KCND2: variants seen among roughly 807,000 people sequenced by gnomAD.
KCND2 encodes potassium voltage-gated channel subfamily D member 2, also known as A-type voltage-gated potassium channel KCND2.
Under a neutral mutation model 54.4 loss-of-function variants are expected in KCND2, and 16 were observed. That is an observed-to-expected ratio of 0.29 (90% CI 0.20 to 0.45). KCND2 has a LOEUF of 0.45. Among genes scored for constraint, KCND2 ranks in the 20% least tolerant of loss-of-function variants. The probability of loss-of-function intolerance (pLI) is 1.00; values close to 1 mark genes in which losing one functional copy is unlikely to be tolerated. For missense variants in KCND2, 486 were observed against 824.2 expected, an observed-to-expected ratio of 0.59 and a Z score of 5.02; for synonymous variants, 317 against 310.7, an observed-to-expected ratio of 1.02 and a Z score of -0.21.
intron 1 of KCND2, among the ~76,000 whole-genome samples, chr7:120,304,450 C>T (rs1217412638): frequency 6.6e-6 from 1 of 152,134 alleles, no homozygotes; most frequent in Admixed American, 6.6e-5. Context: ...ACACAATCCT[C>T]AATGTGTGGC....
chr7:120,698,761 A>T (rs1792363142), intron 1 of KCND2, among the ~76,000 whole-genome samples: 1 of 152,224 alleles, frequency 6.6e-6, no homozygotes, highest in East Asian at 1.9e-4. Context: ...CACAAAAGGA[A>T]TTTGGCAATA....
At chr7:120,674,924 G>T (rs1427828560) in intron 1 of KCND2, among the ~76,000 whole-genome samples, 2 of 151,824 alleles carry the variant, frequency 1.3e-5, no homozygotes, top group African/African-American at 2.4e-5. Context: ...CCCTAAGCGT[G>T]CATCACTTTA....
chr7:120,567,652 A>G (rs931452029), intron 1 of KCND2, among the ~76,000 whole-genome samples: 3 of 152,304 alleles, frequency 2.0e-5, no homozygotes, highest in Admixed American at 1.3e-4. Flanking sequence ...TTATCCTCCC[A>G]GTATAAAACA....
chr7:120,561,215 G>A (rs1178841335), intron 1 of KCND2, among the ~76,000 whole-genome samples: 1 of 152,084 alleles, frequency 6.6e-6, no homozygotes, highest in African/African-American at 2.4e-5. Flanking sequence ...TCTGCATTCA[G>A]CACTGCAAAT....
At chr7:120,538,020 C>T (rs1289576552) in intron 1 of KCND2, among the ~76,000 whole-genome samples, 1 of 152,154 alleles carries the variant, frequency 6.6e-6, no homozygotes, top group African/African-American at 2.4e-5. Flanking sequence ...GGCAAGAGGC[C>T]TAGGTTTTGG....
At chr7:120,659,433 G>A (rs1437136192) in intron 1 of KCND2, among the ~76,000 whole-genome samples, 1 of 152,054 alleles carries the variant, frequency 6.6e-6, no homozygotes, top group Middle Eastern at 3.2e-3. Flanking sequence ...AACAAACACG[G>A]CAATATCAAA....
chr7:120,382,011 T>C (rs766627557), intron 1 of KCND2, among the ~76,000 whole-genome samples: 11 of 150,926 alleles, frequency 7.3e-5, no homozygotes, highest in Non-Finnish European at 1.5e-4. Context: ...ATTTACTTTA[T>C]AGTTCTATCC....
chr7:120,391,678 C>CT (rs372958105), intron 1 of KCND2, among the ~76,000 whole-genome samples: 1 of 151,764 alleles, frequency 6.6e-6, no homozygotes, highest in Non-Finnish European at 1.5e-5. Flanking sequence ...TGATGATGAG[C>CT]TTTTTTTTCA....
At chr7:120,662,052 G>A (rs770597729) in intron 1 of KCND2, among the ~76,000 whole-genome samples, 2 of 151,844 alleles carry the variant, frequency 1.3e-5, no homozygotes, top group Non-Finnish European at 2.9e-5. Context: ...CCAATTCTTT[G>A]GCTCTTCATT....
intron 4 of KCND2, among the ~76,000 whole-genome samples, chr7:120,745,117 A>T (rs1471322619): frequency 6.6e-6 from 1 of 152,202 alleles, no homozygotes; most frequent in East Asian, 1.9e-4. Flanking sequence ...GAAGATTACA[A>T]AAAAGGCCAC....
At chr7:120,676,345 C>G (rs1305524415) in intron 1 of KCND2, among the ~76,000 whole-genome samples, 1 of 151,856 alleles carries the variant, frequency 6.6e-6, no homozygotes, top group African/African-American at 2.4e-5. Context: ...ACTGTAAACC[C>G]ATTTTGGATG....
At chr7:120,454,652 G>A (rs1802167870) in intron 1 of KCND2, among the ~76,000 whole-genome samples, 1 of 152,052 alleles carries the variant, frequency 6.6e-6, no homozygotes, top group Admixed American at 6.6e-5. Flanking sequence ...CATTCCTACT[G>A]AAACTGTTCC....
chr7:120,532,040 T>C (rs1791849158), intron 1 of KCND2, among the ~76,000 whole-genome samples: 2 of 152,092 alleles, frequency 1.3e-5, no homozygotes, highest in South Asian at 4.1e-4. Context: ...CAAACAGAAC[T>C]CTGATGTATG....
intron 1 of KCND2, among the ~76,000 whole-genome samples, chr7:120,628,127 T>C (rs1323211775): frequency 1.3e-5 from 2 of 152,332 alleles, no homozygotes; most frequent in South Asian, 2.1e-4. Flanking sequence ...GAAACACTGA[T>C]AGCAATGAAT....
At chr7:120,429,405 G>A (rs1165299706) in intron 1 of KCND2, among the ~76,000 whole-genome samples, 1 of 151,944 alleles carries the variant, frequency 6.6e-6, no homozygotes, top group Non-Finnish European at 1.5e-5. Context: ...CAACCCTTGA[G>A]TACCTGTCTT....
In KCND2 at chr7:120,486,004, T is replaced by C. The variant is rs115638219; in HGVS notation, c.1115+210257T>C. 7.8e-3 allele frequency among the ~76,000 whole-genome samples: 1,188 copies of C among 152,316 alleles called. 19 individuals are homozygous for C. Among genetic ancestry groups the C allele is most frequent in the African/African-American group, 0.027 (1,129 of 41,570 alleles). On this transcript the variant is annotated intron_variant, in intron 1 of 5. Transcript: ENST00000331113. Reference sequence around the variant, plus strand: ...TTGTGTTTTTGATGTATATATAACATTAAAATATGTGACAGGCTGACTTTT... The same window carrying C: ...TTGTGTTTTTGATGTATATATAACACTAAAATATGTGACAGGCTGACTTTT...
chr7:120,645,942 G>A (rs1584867723), intron 1 of KCND2, among the ~76,000 whole-genome samples: 1 of 152,152 alleles, frequency 6.6e-6, no homozygotes, highest in Non-Finnish European at 1.5e-5. Context: ...ATAAACACTG[G>A]AAGTCCTCAT....
chr7:120,439,592 C>T lies in KCND2; in HGVS notation c.1115+163845C>T, dbSNP rs112082206. On this transcript the variant is annotated intron_variant, in intron 1 of 5. Coordinates refer to ENST00000331113, the MANE Select transcript of KCND2 (RefSeq NM_012281.3). ...GTACTTACCCTACAGTGCTGTAGAACACTGGAACTTATTTCTTACATCTAG... is the reference window on the plus strand; with the variant it reads ...GTACTTACCCTACAGTGCTGTAGAATACTGGAACTTATTTCTTACATCTAG... Among the ~76,000 whole-genome samples, 971 of 152,066 alleles carry T rather than the reference C, an allele frequency of 6.4e-3. 6 individuals are homozygous for T. Among genetic ancestry groups the T allele is most frequent in the Non-Finnish European group, 9.9e-3 (669 of 67,908 alleles).
intron 1 of KCND2, among the ~76,000 whole-genome samples, chr7:120,725,874 G>A (rs1792727657): frequency 6.6e-6 from 1 of 152,062 alleles, no homozygotes; most frequent in South Asian, 2.1e-4. Context: ...ATAGTATCAT[G>A]GAGTTCCCTG....
Sources: allele counts gnomAD v4.1 joint callset (sites outside exome capture counted in the v4.1 genomes callset), GRCh38; gene constraint gnomAD v4.1.1; transcripts MANE v1.5; gene names NCBI Gene and HGNC (gene_info 2026-07-23, HGNC 2026-07-21).